Variants in USP38 observed in about 807,000 individuals in gnomAD.
USP38 encodes the protein ubiquitin carboxyl-terminal hydrolase 38.
USP38 carries 49 observed loss-of-function variants against 94.3 expected under a neutral mutation model. The ratio of observed to expected loss-of-function variants is 0.52; its 90% CI spans 0.41 to 0.66. The LOEUF is 0.66. USP38 is among the 30% of genes least tolerant of loss of function. USP38 has a pLI of 0.00. For synonymous variants in USP38, 468 were observed against 463.6 expected (o/e 1.01, Z -0.12); for missense variants, 1,128 against 1,229.4 (o/e 0.92, Z 1.23).
chr4:143,185,656 C>T lies in USP38; in HGVS notation c.206C>T (p.Ala69Val). 1 of 1,614,116 alleles carries T rather than the reference C, an allele frequency of 6.2e-7. No individual in the cohort carries two copies. The highest frequency in any genetic ancestry group is 8.5e-7 in the Non-Finnish European group (1 of 1,180,012). Reference sequence around the variant, plus strand: ...GGGCACCAGGTGCTGGAGGCCTACGCACGATACCACCGGCCAGAGTTCGAG... The same window carrying T: ...GGGCACCAGGTGCTGGAGGCCTACGTACGATACCACCGGCCAGAGTTCGAG... ...QVGHQVLEAY[A>V]RYHRPEFESF... Residue 69 changes from alanine to valine, a missense_variant, in exon 1 of 10, where the codon GCA becomes GTA. Physicochemically the swap from Ala to Val is moderately conservative, Grantham distance 64. Transcript: ENST00000307017.
At chr4:143,218,349 C>T (rs1732237070) in intron 9 of USP38, among the ~76,000 whole-genome samples, 1 of 151,952 alleles carries the variant, frequency 6.6e-6, no homozygotes, top group African/African-American at 2.4e-5. Context: ...TTAGAATTAA[C>T]TTTAGTACTT....
In USP38 at chr4:143,185,577, G is replaced by T. The variant is rs1047214881; in HGVS notation, c.127G>T (p.Asp43Tyr). 1.2e-6 allele frequency: 2 copies of T among 1,614,064 alleles called. No individual in the cohort carries two copies. Among genetic ancestry groups the T allele is most frequent in the Non-Finnish European group, 1.7e-6 (2 of 1,180,042 alleles). ...LDEAQCEAMF[D>Y]LTTRLILEGQ... The stretch of plus-strand genomic sequence containing the variant: ...CGAGGCGCAGTGCGAGGCCATGTTT[G>T]ACCTGACGACCCGGCTCATCCTGGA... The change falls in exon 1 of 10, where the codon GAC becomes TAC. Residue 43 changes from aspartate (D) to tyrosine (Y), a missense_variant. Coordinates refer to ENST00000307017, the MANE Select transcript of USP38 (RefSeq NM_032557.6).
At chr4:143,197,761 C>T in intron 3 of USP38, 62 bp from the exon 4 acceptor site, 1 of 1,137,862 alleles carries the variant, frequency 8.8e-7, no homozygotes, top group Non-Finnish European at 1.3e-6. Context: ...AGGAAAATAA[C>T]CACTGTTGGA....
rs767571675 is a variant in USP38 at position 143,185,410 on chromosome 4, C to G, written c.-41C>G. On this transcript the variant is annotated 5_prime_UTR_variant, in exon 1 of 10. Transcript: ENST00000307017. ...GCCCCACCTCGGGGCTGCCGCCACCCGCTCCTTATCCCCTGGCCCTGGCCT... is the reference window on the plus strand; with the variant it reads ...GCCCCACCTCGGGGCTGCCGCCACCGGCTCCTTATCCCCTGGCCCTGGCCT... 2.0e-6 allele frequency: 3 copies of G among 1,525,106 alleles called. No homozygotes were observed. Among genetic ancestry groups the G allele is most frequent in the Non-Finnish European group, 2.6e-6 (3 of 1,136,086 alleles). The allele number at this position is 1,525,106 out of a possible 1,614,324, so 94.5% of individuals were successfully genotyped here.
rs1732332963 is a variant in USP38, at chr4:143,221,890, A to T, written c.*1434A>T. 1 of 152,126 alleles carries T rather than the reference A, an allele frequency of 6.6e-6. No homozygotes were observed. Among genetic ancestry groups the T allele is most frequent in the African/African-American group, 2.4e-5 (1 of 41,456 alleles). 9.4% of individuals were successfully genotyped at this position (152,126 alleles called of 1,614,324 possible). ...TACCTCCCATTCCTAACCTGTTTCCAATCACCAGGAAGATTAGGAAGGCAG... is the reference window on the plus strand; with the variant it reads ...TACCTCCCATTCCTAACCTGTTTCCTATCACCAGGAAGATTAGGAAGGCAG... On this transcript the variant is annotated 3_prime_UTR_variant, in exon 10 of 10. Transcript: ENST00000307017.
At chr4:143,201,642 T>C (rs1046483606) in intron 4 of USP38, among the ~76,000 whole-genome samples, 1 of 152,168 alleles carries the variant, frequency 6.6e-6, no homozygotes, top group South Asian at 2.1e-4. Flanking sequence ...TGTTAGAATA[T>C]GTGGTGTTAT....
At position 143,185,104 on chromosome 4, in the gene USP38, C is replaced by G. The variant is rs984652281; in HGVS notation, c.-347C>G. The G allele has an allele frequency of 9.3e-5, 19 of 203,574 alleles. No homozygotes were observed. The highest frequency in any genetic ancestry group is 1.8e-3 in the Middle Eastern group (1 of 570). The allele number at this position is 203,574 out of a possible 1,614,324, so 12.6% of individuals were successfully genotyped here. A position where few individuals can be genotyped will look rare whatever the true frequency, so the allele number is the denominator to read the frequency against. On this transcript the variant is annotated 5_prime_UTR_variant, in exon 1 of 10. Coordinates refer to ENST00000307017, the MANE Select transcript of USP38 (RefSeq NM_032557.6). ...TCCTCCACCCGCCGGCTAGCAGCCC[C>G]GGGCCCTGAGCTCCCGCCGACGCCG...
chr4:143,213,996 A>G lies in USP38; in HGVS notation c.2020A>G (p.Asn674Asp). Residue 674 changes from asparagine (N) to aspartate (D), a missense_variant, in exon 9 of 10, where the codon AAT becomes GAT. Coordinates refer to ENST00000307017, the MANE Select transcript of USP38 (RefSeq NM_032557.6). ...TGCCTTCATCTGTGACTCACTTGTG[A>G]ATGAAAAAACCATAGGCAGTCCTCC... ...TAAFICDSLV[N>D]EKTIGSPPNE... 6.2e-7 allele frequency: 1 copy of G among 1,613,628 alleles called. No homozygotes were observed. Among genetic ancestry groups the G allele is most frequent in the Non-Finnish European group, 8.5e-7 (1 of 1,179,836 alleles).
chr4:143,201,072 C>G (rs528113363), intron 4 of USP38, among the ~76,000 whole-genome samples: 4 of 152,302 alleles, frequency 2.6e-5, no homozygotes, highest in African/African-American at 9.6e-5. Flanking sequence ...ATAGCCACAG[C>G]AATCCTAAGC....
At position 143,214,313 on chromosome 4, in the gene USP38, A is replaced by G; in HGVS notation, c.2337A>G (p.Lys779=). The G allele has an allele frequency of 6.2e-7, 1 of 1,612,714 alleles. No homozygotes were observed. The highest frequency in any genetic ancestry group is 8.5e-7 in the Non-Finnish European group (1 of 1,179,590). ...SYDQKYHVRR[K]ILDNVSLPLV... ...ATCAGAAGTATCATGTGAGAAGGAAAATTTTAGACAATGTATCACTGCCAC... is the reference window on the plus strand; with the variant it reads ...ATCAGAAGTATCATGTGAGAAGGAAGATTTTAGACAATGTATCACTGCCAC... Residue 779 remains lysine, a synonymous_variant, in exon 9 of 10, where the codon AAA becomes AAG. Coordinates refer to ENST00000307017, the MANE Select transcript of USP38 (RefSeq NM_032557.6).
At chr4:143,196,087 C>T (rs901808435) in intron 3 of USP38, among the ~76,000 whole-genome samples, 2 of 152,140 alleles carry the variant, frequency 1.3e-5, no homozygotes, top group African/African-American at 4.8e-5. Flanking sequence ...GGGCAGATCA[C>T]TTGAGGCCAG....
intron 7 of USP38, among the ~76,000 whole-genome samples, chr4:143,211,401 A>G (rs1732019936): frequency 6.6e-6 from 1 of 152,122 alleles, no homozygotes; most frequent in Non-Finnish European, 1.5e-5. Flanking sequence ...CTGTCAGGTA[A>G]TAAGGTATAT....
Position 143,221,744 on chromosome 4 carries a change from G to T in USP38, c.*1288G>T, listed in dbSNP as rs917263588. 6.6e-6 allele frequency: 1 copy of T among 151,944 alleles called. No individual in the cohort carries two copies. The highest frequency in any genetic ancestry group is 2.4e-5 in the African/African-American group (1 of 41,400). The allele number at this position is 151,944 out of a possible 1,614,324, so 9.4% of individuals were successfully genotyped here. A position where few individuals can be genotyped will look rare whatever the true frequency, so the allele number is the denominator to read the frequency against. ...CAGTTGTGCATTGTTCTGAAGATTGGTCTCATATTTATTTTGAAAACACTT... is the reference window on the plus strand; with the variant it reads ...CAGTTGTGCATTGTTCTGAAGATTGTTCTCATATTTATTTTGAAAACACTT... On this transcript the variant is annotated 3_prime_UTR_variant, in exon 10 of 10. Coordinates refer to ENST00000307017, the MANE Select transcript of USP38 (RefSeq NM_032557.6).
At position 143,186,120 on chromosome 4, in the gene USP38, A is replaced by C. The variant is rs1731215822; in HGVS notation, c.670A>C (p.Ile224Leu). The C allele has an allele frequency of 6.2e-7, 1 of 1,614,072 alleles. No homozygotes were observed. Among genetic ancestry groups the C allele is most frequent in the East Asian group, 2.2e-5 (1 of 44,876 alleles). The change falls in exon 1 of 10, where the codon ATC (isoleucine) becomes CTC (leucine). Residue 224 changes from isoleucine (I) to leucine (L), a missense_variant. Coordinates refer to ENST00000307017, the MANE Select transcript of USP38 (RefSeq NM_032557.6). ...LPSLQEVFAS[I>L]SSTDASFEPS... is the part of the protein sequence containing the mutation. ...TTCCCTGCAAGAAGTTTTTGCAAGC[A>C]TCTCTTCCACAGGTAAGGGTCATTA...
chr4:143,187,952 C>A lies in USP38; in HGVS notation c.809C>A (p.Ala270Asp). Residue 270 changes from alanine (A) to aspartate (D), a missense_variant, in exon 2 of 10, where the codon GCC (alanine) becomes GAC (aspartate). Physicochemically the swap from Ala to Asp is moderately radical, Grantham distance 126. Transcript: ENST00000307017. Reference protein sequence around the residue: ...PNVKDASMTQALCRMIDWLSW... With the variant: ...PNVKDASMTQDLCRMIDWLSW... ...GTAAAAGATGCAAGTATGACCCAAG[C>A]CCTTTGCAGGTACTTCTTCATGACA... 1 of 1,610,890 alleles carries A rather than the reference C, an allele frequency of 6.2e-7. No individual in the cohort carries two copies. The highest frequency in any genetic ancestry group is 1.1e-5 in the South Asian group (1 of 90,254).
At chr4:143,200,781 C>CCTATT (rs1433051367) in intron 4 of USP38, among the ~76,000 whole-genome samples, 1 of 151,890 alleles carries the variant, frequency 6.6e-6, no homozygotes. Context: ...TTCACAATTG[C>CCTATT]CACAAAAAGA....
intron 2 of USP38, among the ~76,000 whole-genome samples, chr4:143,190,113 T>C (rs1175526418): frequency 6.6e-6 from 1 of 152,108 alleles, no homozygotes; most frequent in African/African-American, 2.4e-5. Flanking sequence ...TCAGTGTGAC[T>C]GTAACAGCAC....
At position 143,195,795 on chromosome 4, in the gene USP38, G is replaced by A. The variant is rs1429542034; in HGVS notation, c.898G>A (p.Val300Ile). Residue 300 changes from valine to isoleucine, a missense_variant, in exon 3 of 10, where the codon GTC becomes ATC. Coordinates refer to ENST00000307017, the MANE Select transcript of USP38 (RefSeq NM_032557.6). The part of the protein sequence containing the change: ...VIALLKGLAA[V>I]QKFTILIDVT... ...TGCACTCCTGAAAGGACTGGCAGCT[G>A]TCCAGAAGTTTACTATTTTGATAGA... The A allele has an allele frequency of 6.2e-7, 1 of 1,613,582 alleles. No homozygotes were observed. The highest frequency in any genetic ancestry group is 8.5e-7 in the Non-Finnish European group (1 of 1,179,780).
At chr4:143,193,919 A>G (rs1731471851) in intron 2 of USP38, among the ~76,000 whole-genome samples, 1 of 152,160 alleles carries the variant, frequency 6.6e-6, no homozygotes, top group South Asian at 2.1e-4. Flanking sequence ...GTGAAACCCC[A>G]TCTCAGAAAA....
Sources: gnomAD v4.1 joint callset for allele counts (sites outside exome capture counted in the v4.1 genomes callset) on GRCh38, gnomAD v4.1.1 for gene constraint, MANE v1.5 for transcripts, NCBI Gene and HGNC (gene_info 2026-07-23, HGNC 2026-07-21) for gene names.